Variants in DAB1 observed in about 807,000 individuals in gnomAD.
The protein encoded by DAB1 is DAB adaptor protein 1, also known as disabled homolog 1.
Under a neutral mutation model 64.6 loss-of-function variants are expected in DAB1, and 15 were observed. The observed-to-expected ratio is 0.23, with a 90% confidence interval of 0.16 to 0.36. DAB1 has a LOEUF of 0.36. Ranked by LOEUF, DAB1 falls within the 10% of genes least tolerant of loss-of-function variation. The pLI is 1.00. For missense variants in DAB1, 596 were observed against 706.7 expected (o/e 0.84, Z 1.78); for synonymous variants, 235 against 251.9 (o/e 0.93, Z 0.64).
chr1:57,285,484 G>A (rs1672241009), intron 2 of DAB1, among the ~76,000 whole-genome samples: 1 of 151,934 alleles, frequency 6.6e-6, no homozygotes, highest in Non-Finnish European at 1.5e-5. Flanking sequence ...TGTTGGCCAG[G>A]TTGGTCTCGA....
chr1:58,373,463 G>A (rs889335528), intron 3 of DAB1, among the ~76,000 whole-genome samples: 4 of 150,796 alleles, frequency 2.7e-5, no homozygotes, highest in African/African-American at 7.3e-5. Context: ...GAGAATGATG[G>A]TTTCCAACTT....
At position 58,236,141 on chromosome 1, in the gene DAB1, C is replaced by T. The variant is rs555842497; in HGVS notation, n.310-85553G>A. Among the ~76,000 whole-genome samples the T allele has an allele frequency of 3.9e-4, 59 of 151,172 alleles. 1 individual carries two copies. Among genetic ancestry groups the T allele is most frequent in the South Asian group, 1.3e-3 (6 of 4,758 alleles). ...CCCGCCCCGCCCCCACTCCTCCTCA[C>T]CTACCTCGTACTGCTCTGACTAATG... is the stretch of plus-strand genomic sequence containing the variant. On this transcript the variant is annotated intron_variant and non_coding_transcript_variant, in intron 4 of 20. Coordinates refer to the DAB1 transcript ENST00000485760.
At chr1:57,121,155 AGG>A (rs1280037543) in intron 4 of DAB1, among the ~76,000 whole-genome samples, 3 of 126,790 alleles carry the variant, frequency 2.4e-5, no homozygotes, top group East Asian at 4.6e-4. Context: ...GAGGAGGAGG[AGG>A]AGGAGGAGAA....
chr1:58,084,568 AC>A, intron 5 of DAB1: 1 of 183,322 alleles, frequency 5.5e-6, no homozygotes, highest in South Asian at 1.4e-4. Context: ...GGGAACTGGA[AC>A]CATTCTCTCA....
intron 10 of DAB1, among the ~76,000 whole-genome samples, 176 bp from the exon 11 acceptor site, chr1:57,023,815 C>A (rs1463387600): frequency 6.6e-6 from 1 of 152,180 alleles, no homozygotes; most frequent in Non-Finnish European, 1.5e-5. Flanking sequence ...GGAAATGACA[C>A]CTCCAGAGCT....
intron 1 of DAB1, among the ~76,000 whole-genome samples, chr1:57,357,746 C>T (rs1319321325): frequency 2.6e-5 from 4 of 151,838 alleles, no homozygotes; most frequent in African/African-American, 4.8e-5. Flanking sequence ...ATCCTTCTCA[C>T]GTGGCGGCAG....
chr1:57,500,142 GAATGAGAGATGTGGTC>G (rs1644274228), intron 7 of DAB1, among the ~76,000 whole-genome samples: 1 of 152,198 alleles, frequency 6.6e-6, no homozygotes, highest in Admixed American at 6.5e-5. Flanking sequence ...ACTAAGTTCT[GAATGAGAGATGTGGTC>G]ATTATTTTTC....
At chr1:58,387,179 G>A (rs938102976) in intron 3 of DAB1, among the ~76,000 whole-genome samples, 1 of 152,238 alleles carries the variant, frequency 6.6e-6, no homozygotes, top group African/African-American at 2.4e-5. Flanking sequence ...GCAAATTGGT[G>A]GCAAACACTG....
intron 3 of DAB1, among the ~76,000 whole-genome samples, chr1:58,439,105 G>A (rs1644979530): frequency 8.7e-5 from 2 of 23,034 alleles, no homozygotes; most frequent in South Asian, 1.2e-3. Context: ...CCCACCCAAC[G>A]TCATAGCCTC....
chr1:58,403,725 C>T (rs1644592357), intron 3 of DAB1, among the ~76,000 whole-genome samples: 1 of 152,208 alleles, frequency 6.6e-6, no homozygotes, highest in Non-Finnish European at 1.5e-5. Context: ...TGAGGACAAA[C>T]TTGGCTCTTG....
intron 7 of DAB1, among the ~76,000 whole-genome samples, chr1:57,474,797 T>C (rs1037938807): frequency 6.6e-6 from 1 of 152,156 alleles, no homozygotes; most frequent in African/African-American, 2.4e-5. Flanking sequence ...TTTGGGGATA[T>C]CAGCTAAGAA....
intron 2 of DAB1, among the ~76,000 whole-genome samples, chr1:57,215,533 CT>C (rs1666361057): frequency 6.6e-6 from 1 of 152,180 alleles, no homozygotes; most frequent in Admixed American, 6.5e-5. Flanking sequence ...AAAAAAACGT[CT>C]TTGTGTTGGA....
intron 4 of DAB1, among the ~76,000 whole-genome samples, chr1:57,121,097 AAAGAAGAGGAAG>A (rs1395455301): frequency 6.6e-6 from 1 of 151,028 alleles, no homozygotes; most frequent in Non-Finnish European, 1.5e-5. Flanking sequence ...CCTAAGCAGA[AAAGAAGAGGAAG>A]AAGAAGAGGA....
At chr1:57,905,994 A>T (rs1450063894) in intron 5 of DAB1, among the ~76,000 whole-genome samples, 3 of 152,210 alleles carry the variant, frequency 2.0e-5, no homozygotes, top group African/African-American at 7.2e-5. Flanking sequence ...CAGTAACAGC[A>T]TCTCGACTGG....
intron 5 of DAB1, among the ~76,000 whole-genome samples, chr1:57,979,884 C>A (rs1646020106): frequency 2.0e-5 from 3 of 152,278 alleles, no homozygotes; most frequent in South Asian, 2.1e-4. Flanking sequence ...CTCTTCTGAG[C>A]TCCCCCTAAA....
chr1:57,561,816 C>T (rs978852063), intron 7 of DAB1, among the ~76,000 whole-genome samples: 2 of 152,242 alleles, frequency 1.3e-5, no homozygotes, highest in Non-Finnish European at 2.9e-5. Flanking sequence ...GAGACCAACA[C>T]TGAGCCCTCG....
At chr1:57,793,793 T>C in intron 6 of DAB1, among the ~76,000 whole-genome samples, 1 of 152,160 alleles carries the variant, frequency 6.6e-6, no homozygotes, top group East Asian at 1.9e-4. Flanking sequence ...GAGATAATTG[T>C]TGTAAATCAC....
At chr1:57,650,825 T>C (rs951068945) in intron 6 of DAB1, among the ~76,000 whole-genome samples, 2 of 152,146 alleles carry the variant, frequency 1.3e-5, no homozygotes, top group Non-Finnish European at 2.9e-5. Context: ...AACACTGCAC[T>C]GGAATTATCC....
chr1:58,484,675 T>G (rs1645544432), intron 3 of DAB1, among the ~76,000 whole-genome samples: 1 of 152,178 alleles, frequency 6.6e-6, no homozygotes, highest in Non-Finnish European at 1.5e-5. Flanking sequence ...AAGATTTCCT[T>G]CGATAGGTGA....
Sources: gnomAD v4.1 joint callset for allele counts (sites outside exome capture counted in the v4.1 genomes callset) on GRCh38, gnomAD v4.1.1 for gene constraint, MANE v1.5 for transcripts, NCBI Gene and HGNC (gene_info 2026-07-23, HGNC 2026-07-21) for gene names.